The following RGMB variants were observed in gnomAD, a reference collection of about 807,000 sequenced individuals.
RGMB encodes repulsive guidance molecule BMP co-receptor b.
Under a neutral mutation model 26.9 loss-of-function variants are expected in RGMB, and 16 were observed. The ratio of observed to expected loss-of-function variants is 0.60; its 90% CI spans 0.40 to 0.90. The LOEUF is 0.90. Among genes scored for constraint, RGMB ranks in the 40% least tolerant of loss-of-function variants. RGMB has a pLI of 0.00. For synonymous variants in RGMB, 225 were observed against 229.3 expected (o/e 0.98, Z 0.17); for missense variants, 512 against 573.3 (o/e 0.89, Z 1.09).
In RGMB at chr5:98,783,892, C is replaced by G. The variant is rs115233651; in HGVS notation, c.645+3804C>G. 7.6e-3 allele frequency among the ~76,000 whole-genome samples: 1,152 copies of G among 152,290 alleles called. 14 individuals carry two copies. The highest frequency in any genetic ancestry group is 0.027 in the African/African-American group (1,117 of 41,546). The stretch of plus-strand genomic sequence containing the variant: ...TTTGTACAAGTAGTTTGAATGCCTT[C>G]ATTTTATTTTTCCTTTTGTTTTAAT... On this transcript the variant is annotated intron_variant, in intron 2 of 2. Coordinates refer to ENST00000513185, the MANE Select transcript of RGMB (RefSeq NM_001366508.1).
At chr5:98,774,603 G>C (rs1746331756) in intron 1 of RGMB, among the ~76,000 whole-genome samples, 1 of 152,236 alleles carries the variant, frequency 6.6e-6, no homozygotes, top group African/African-American at 2.4e-5. Flanking sequence ...CAGCCGCCTC[G>C]GAGGGAGACA....
chr5:98,792,957 G>T, intron 2 of RGMB, 128 bp from the exon 3 acceptor site: 1 of 633,006 alleles, frequency 1.6e-6, no homozygotes, highest in Non-Finnish European at 2.7e-6. Context: ...GCAAGCAGTT[G>T]GGTCCATTTT....
chr5:98,793,952 T>A lies in RGMB; in HGVS notation c.*199T>A, dbSNP rs956256353. On this transcript the variant is annotated 3_prime_UTR_variant, in exon 3 of 3. Coordinates refer to ENST00000513185, the MANE Select transcript of RGMB (RefSeq NM_001366508.1). Reference sequence around the variant, plus strand: ...TGTTGGATGTAGTGTTCTTTGATTGTATCAATTTTGTTTTGCAGTTCTGTG... The same window carrying A: ...TGTTGGATGTAGTGTTCTTTGATTGAATCAATTTTGTTTTGCAGTTCTGTG... 1 of 497,994 alleles carries A rather than the reference T, an allele frequency of 2.0e-6. No individual in the cohort carries two copies. Among genetic ancestry groups the A allele is most frequent in the African/African-American group, 2.0e-5 (1 of 51,062 alleles). The allele number at this position is 497,994 out of a possible 1,614,324, so 30.8% of individuals were successfully genotyped here.
At chr5:98,788,125 A>G (rs570508278) in intron 2 of RGMB, among the ~76,000 whole-genome samples, 1 of 152,346 alleles carries the variant, frequency 6.6e-6, no homozygotes, top group South Asian at 2.1e-4. Flanking sequence ...ATGAGGATAG[A>G]GAAACTGATA....
upstream of RGMB, chr5:98,771,750 T>C (rs145144503): frequency 6.6e-6 from 1 of 152,080 alleles, no homozygotes; most frequent in East Asian, 1.9e-4. Context: ...GATAGGAAAA[T>C]CTAGAGCACC....
Position 98,779,813 on chromosome 5 carries a change from G to T in RGMB, c.370G>T (p.Asp124Tyr). 1 of 1,614,034 alleles carries T rather than the reference G, an allele frequency of 6.2e-7. No homozygotes were observed. Among genetic ancestry groups the T allele is most frequent in the Admixed American group, 1.7e-5 (1 of 60,028 alleles). ...CATGAGCCAGAGGAATTGTTCCAAG[G>T]ATGGACCCACATCCTCTACCAACCC... ...DLMSQRNCSK[D>Y]GPTSSTNPEV... Residue 124 changes from aspartate (D) to tyrosine (Y), a missense_variant, in exon 2 of 3, where the codon GAT becomes TAT. Physicochemically the swap from Asp to Tyr is radical, Grantham distance 160 (BLOSUM62 -3). Transcript: ENST00000513185.
chr5:98,784,817 T>C (rs538941906), intron 2 of RGMB, among the ~76,000 whole-genome samples: 3 of 152,322 alleles, frequency 2.0e-5, no homozygotes, highest in Non-Finnish European at 4.4e-5. Flanking sequence ...GTTCTTCCAT[T>C]GATAGGTCTG....
chr5:98,771,013 A>C (rs949605596), upstream of RGMB: 7 of 263,746 alleles, frequency 2.7e-5, no homozygotes, highest in African/African-American at 1.5e-4. Flanking sequence ...AGACATATTA[A>C]CTGGAGAACA....
chr5:98,778,191 G>A (rs1347888181), intron 1 of RGMB, among the ~76,000 whole-genome samples: 1 of 152,202 alleles, frequency 6.6e-6, no homozygotes, highest in East Asian at 1.9e-4. Context: ...TCAGATTTAA[G>A]AGCAGTTTAC....
At position 98,775,279 on chromosome 5, in the gene RGMB, A is replaced by G. The variant is rs537008741; in HGVS notation, c.136+1073A>G. On this transcript the variant is annotated intron_variant, in intron 1 of 2. Coordinates refer to ENST00000513185, the MANE Select transcript of RGMB (RefSeq NM_001366508.1). Reference sequence around the variant, plus strand: ...GGAGGTCTTTTAAGTAATGGGGGGGAAAATGTGACATCTGAGGAGACTTAA... The same window carrying G: ...GGAGGTCTTTTAAGTAATGGGGGGGGAAATGTGACATCTGAGGAGACTTAA... 1.4e-4 allele frequency among the ~76,000 whole-genome samples: 21 copies of G among 152,234 alleles called. No homozygotes were observed. The East Asian group carries it at 3.1e-3, about 22-fold the overall frequency.
chr5:98,795,571 C>G lies in RGMB; in HGVS notation c.*1818C>G, dbSNP rs1351469340. The G allele has an allele frequency of 6.6e-6, 1 of 152,170 alleles. No individual in the cohort carries two copies. The highest frequency in any genetic ancestry group is 6.5e-5 in the Admixed American group (1 of 15,280). 9.4% of individuals were successfully genotyped at this position (152,170 alleles called of 1,614,324 possible). On this transcript the variant is annotated 3_prime_UTR_variant, in exon 3 of 3. Transcript: ENST00000513185. The stretch of plus-strand genomic sequence containing the variant: ...GTCTGGGAAAATAAGGAAGGCATCT[C>G]CTTCTTACTCATGGAGATTCAACTA...
chr5:98,775,166 T>A (rs1323236277), intron 1 of RGMB, among the ~76,000 whole-genome samples: 1 of 152,206 alleles, frequency 6.6e-6, no homozygotes, highest in Non-Finnish European at 1.5e-5. Context: ...CACAACGTTC[T>A]GGTCTGGAGA....
intron 2 of RGMB, chr5:98,780,885 G>A (rs1311187875): frequency 6.6e-6 from 1 of 152,168 alleles, no homozygotes; most frequent in Non-Finnish European, 1.5e-5. Flanking sequence ...TTTCTAATTG[G>A]CAGTCAGTGC....
At chr5:98,786,965 G>A (rs1746783250) in intron 2 of RGMB, among the ~76,000 whole-genome samples, 1 of 152,158 alleles carries the variant, frequency 6.6e-6, no homozygotes, top group South Asian at 2.1e-4. Flanking sequence ...ACTGTGAATA[G>A]GATGATATGA....
chr5:98,785,414 G>T (rs1011410227), intron 2 of RGMB, among the ~76,000 whole-genome samples: 2 of 152,158 alleles, frequency 1.3e-5, no homozygotes, highest in Non-Finnish European at 2.9e-5. Flanking sequence ...GTTGGCAGGG[G>T]TGTCAAGAAG....
Position 98,793,337 on chromosome 5 carries a change from G to A in RGMB, c.898G>A (p.Ala300Thr). The change falls in exon 3 of 3, where the codon GCC becomes ACC. Residue 300 changes from alanine to threonine, a missense_variant. Coordinates refer to ENST00000513185, the MANE Select transcript of RGMB (RefSeq NM_001366508.1). ...TLAIRMPEDL[A>T]MSYEESQDLQ... is the part of the protein sequence containing the mutation. ...TGCCATCCGTATGCCTGAAGACCTG[G>A]CCATGTCCTACGAGGAGAGCCAGGA... 1 of 1,613,778 alleles carries A rather than the reference G, an allele frequency of 6.2e-7. No individual in the cohort carries two copies. The highest frequency in any genetic ancestry group is 2.2e-5 in the East Asian group (1 of 44,882).
At chr5:98,770,461 A>G (rs549327955), upstream of RGMB, 583 of 425,372 alleles carry the variant, frequency 1.4e-3, 4 homozygotes, top group African/African-American at 0.011. Context: ...GAGCGGTGAG[A>G]GCAGCGGCGG....
At position 98,774,056 on chromosome 5, in the gene RGMB, C is replaced by A; in HGVS notation, c.-15C>A. 1 of 882,664 alleles carries A rather than the reference C, an allele frequency of 1.1e-6. No homozygotes were observed. The highest frequency in any genetic ancestry group is 1.8e-6 in the Non-Finnish European group (1 of 571,148). 54.7% of individuals were successfully genotyped at this position (882,664 alleles called of 1,614,324 possible). On this transcript the variant is annotated 5_prime_UTR_variant, in exon 1 of 3. Coordinates refer to ENST00000513185, the MANE Select transcript of RGMB (RefSeq NM_001366508.1). ...GCCGCCCTCGCCGGAGCCCACGAGACCTGCATGGACGGGCATGGGCTTGAG... is the reference window on the plus strand; with the variant it reads ...GCCGCCCTCGCCGGAGCCCACGAGAACTGCATGGACGGGCATGGGCTTGAG...
chr5:98,773,444 G>C (rs1508792), upstream of RGMB: 88,899 of 153,536 alleles, frequency 0.58, 26,161 homozygotes, highest in East Asian at 0.7. Context: ...AGAGGACTTG[G>C]AGTCGATGGA....
Sources: gnomAD v4.1 joint callset for allele counts (sites outside exome capture counted in the v4.1 genomes callset) on GRCh38, gnomAD v4.1.1 for gene constraint, MANE v1.5 for transcripts, NCBI Gene and HGNC (gene_info 2026-07-23, HGNC 2026-07-21) for gene names.